NAV2: variants seen among roughly 807,000 people sequenced by gnomAD.
NAV2 encodes neuron navigator 2, also known as helicase, APC down-regulated 1.
Under a neutral mutation model 223.2 loss-of-function variants are expected in NAV2, and 54 were observed. The observed-to-expected ratio is 0.24, with a 90% CI of 0.19 to 0.30. The LOEUF is 0.30. Ranked by LOEUF, NAV2 falls within the 10% of genes least tolerant of loss-of-function variation. The pLI, the probability that NAV2 is intolerant of heterozygous loss-of-function variation, is 1.00. For missense variants in NAV2, 2,806 were observed against 3,147.5 expected, an observed-to-expected ratio of 0.89 and a Z score of 2.60; for synonymous variants, 1,279 against 1,239.3, an observed-to-expected ratio of 1.03 and a Z score of -0.67.
intron 1 of NAV2, among the ~76,000 whole-genome samples, chr11:19,589,694 C>A (rs1422270798): frequency 6.6e-6 from 1 of 152,172 alleles, no homozygotes; most frequent in Non-Finnish European, 1.5e-5. Context: ...CAAGAGAGAG[C>A]CACAGCCCCT....
chr11:19,692,722 T>C (rs752097060), intron 1 of NAV2, among the ~76,000 whole-genome samples: 1 of 152,184 alleles, frequency 6.6e-6, no homozygotes, highest in Non-Finnish European at 1.5e-5. Context: ...TCAGCAAATA[T>C]GCATTGAGTA....
chr11:20,068,459 A>G, intron 22 of NAV2, 61 bp downstream of exon 22: 7 of 1,231,612 alleles, frequency 5.7e-6, no homozygotes, highest in Non-Finnish European at 8.4e-6. Context: ...CCTTCTGAAC[A>G]GCCTCAAGTC....
intron 1 of NAV2, among the ~76,000 whole-genome samples, chr11:19,463,494 T>C (rs912922590): frequency 6.6e-6 from 1 of 152,202 alleles, no homozygotes; most frequent in Non-Finnish European, 1.5e-5. Flanking sequence ...GCCAGGCAGA[T>C]GGAGTGAGCA....
chr11:19,410,246 C>A (rs905613691), intron 1 of NAV2, among the ~76,000 whole-genome samples: 28 of 152,154 alleles, frequency 1.8e-4, no homozygotes, highest in Admixed American at 3.9e-4. Flanking sequence ...CTCCTCTGGG[C>A]CCTTTCCTCC....
chr11:19,834,356 C>A (rs1330786011), intron 2 of NAV2, among the ~76,000 whole-genome samples: 2 of 152,174 alleles, frequency 1.3e-5, no homozygotes, highest in Non-Finnish European at 2.9e-5. Context: ...CTAACCCAGG[C>A]AGTCTGCTTC....
rs1399383038 is a variant in NAV2, at chr11:20,090,416, T to C, written c.5499-449T>C. On this transcript the variant is annotated intron_variant, in intron 26 of 37. Transcript: ENST00000349880. ...GAAAGGCACACCAAAGCCATTCTGA[T>C]TGCCAGAGCTCAGCAAAGAAAGAAT... 3.3e-5 allele frequency among the ~76,000 whole-genome samples: 5 copies of C among 152,226 alleles called. No homozygotes were observed. The East Asian group carries it at 9.7e-4, about 29-fold the overall frequency.
At chr11:19,655,271 G>A (rs193178545) in intron 1 of NAV2, among the ~76,000 whole-genome samples, 5 of 152,162 alleles carry the variant, frequency 3.3e-5, no homozygotes, top group Admixed American at 1.3e-4. Context: ...TGAAGAAATA[G>A]GAATGCTTTT....
intron 11 of NAV2, among the ~76,000 whole-genome samples, chr11:20,018,595 A>G (rs1280790214): frequency 6.6e-6 from 1 of 152,180 alleles, no homozygotes; most frequent in Non-Finnish European, 1.5e-5. Context: ...AGGAGACTGC[A>G]TGGAATAATC....
Position 20,071,117 on chromosome 11 carries a change from C to T in NAV2, c.4983+2719C>T, listed in dbSNP as rs534734823. ...CTATCCCTCCCCTAGCCCCCCACCC[C>T]CCGACAGGCCCTGGTGTCTGATGTT... On this transcript the variant is annotated intron_variant, in intron 22 of 37. Transcript: ENST00000349880. 1.0e-3 allele frequency among the ~76,000 whole-genome samples: 151 copies of T among 147,132 alleles called. 1 individual carries two copies. Among genetic ancestry groups the T allele is most frequent in the African/African-American group, 3.6e-3 (143 of 39,984 alleles).
At chr11:19,858,442 T>G (rs1334580357) in intron 3 of NAV2, among the ~76,000 whole-genome samples, 1 of 152,268 alleles carries the variant, frequency 6.6e-6, no homozygotes, top group Non-Finnish European at 1.5e-5. Flanking sequence ...TGCCACATTT[T>G]CTGTATCCAT....
chr11:19,423,974 A>G (rs1850721522), intron 1 of NAV2, among the ~76,000 whole-genome samples: 2 of 152,232 alleles, frequency 1.3e-5, no homozygotes, highest in African/African-American at 4.8e-5. Flanking sequence ...CAAAGATGAC[A>G]TGTTAATGAA....
intron 11 of NAV2, among the ~76,000 whole-genome samples, chr11:20,019,775 G>A (rs534856497): frequency 6.6e-6 from 1 of 152,152 alleles, no homozygotes; most frequent in Admixed American, 6.5e-5. Context: ...GGGAGAATCT[G>A]TCGATGCTAC....
chr11:19,451,743 A>G (rs1851796450), intron 1 of NAV2, among the ~76,000 whole-genome samples: 1 of 152,200 alleles, frequency 6.6e-6, no homozygotes, highest in Non-Finnish European at 1.5e-5. Flanking sequence ...GCAGGAAAGA[A>G]GGGAAGAGGG....
chr11:19,942,362 G>A (rs1459951671), intron 8 of NAV2, among the ~76,000 whole-genome samples: 3 of 152,152 alleles, frequency 2.0e-5, no homozygotes, highest in African/African-American at 4.8e-5. Context: ...ACCCACAAGA[G>A]GGAAACAGGA....
intron 36 of NAV2, among the ~76,000 whole-genome samples, chr11:20,110,445 C>T (rs185921190): frequency 2.2e-4 from 33 of 152,294 alleles, no homozygotes; most frequent in South Asian, 1.0e-3. Context: ...AGGGGCCCGA[C>T]GTGCATGATC....
At chr11:19,603,959 C>T (rs2046414805) in intron 1 of NAV2, among the ~76,000 whole-genome samples, 1 of 152,040 alleles carries the variant, frequency 6.6e-6, no homozygotes, top group Non-Finnish European at 1.5e-5. Context: ...ATGGCATGTG[C>T]AAAGGCCCTG....
chr11:19,611,171 A>G (rs183014521), intron 1 of NAV2, among the ~76,000 whole-genome samples: 12 of 151,982 alleles, frequency 7.9e-5, no homozygotes, highest in Admixed American at 2.6e-4. Flanking sequence ...ATCTCGTGAG[A>G]CTTATTCACT....
upstream of NAV2, among the ~76,000 whole-genome samples, chr11:19,709,864 A>G (rs1362911142): frequency 6.6e-6 from 1 of 152,208 alleles, no homozygotes; most frequent in Non-Finnish European, 1.5e-5. Flanking sequence ...GAGGCAGGAA[A>G]AGAAAGAAAT....
intron 30 of NAV2, 108 bp from the exon 31 acceptor site, chr11:20,097,469 C>A: frequency 1.1e-6 from 1 of 919,900 alleles, no homozygotes; most frequent in Non-Finnish European, 1.5e-6. Context: ...TCAACTCAGA[C>A]ATCTGAGAAA....
Sources: gnomAD v4.1 joint callset for allele counts (sites outside exome capture counted in the v4.1 genomes callset) on GRCh38, gnomAD v4.1.1 for gene constraint, MANE v1.5 for transcripts, NCBI Gene and HGNC (gene_info 2026-07-23, HGNC 2026-07-21) for gene names.